The following SRSF6 variants were observed in gnomAD, a reference collection of about 807,000 sequenced individuals.
SRSF6 encodes the protein serine and arginine rich splicing factor 6.
SRSF6 carries 17 observed loss-of-function variants against 42.0 expected under a neutral mutation model. The ratio of observed to expected loss-of-function variants is 0.40; its 90% CI spans 0.28 to 0.61. The LOEUF (loss-of-function observed/expected upper bound fraction) is 0.61. Among genes scored for constraint, SRSF6 ranks in the 20% least tolerant of loss-of-function variants. The pLI is 0.37. For synonymous variants in SRSF6, 204 were observed against 166.7 expected, an observed-to-expected ratio of 1.22 and a Z score of -1.72; for missense variants, 379 against 471.4, an observed-to-expected ratio of 0.80 and a Z score of 1.81.
intron 2 of SRSF6, chr20:43,459,551 ACTCT>A: frequency 1.6e-6 from 2 of 1,289,938 alleles, no homozygotes; most frequent in South Asian, 3.2e-5. Flanking sequence ...AGGAGCAGTC[ACTCT>A]CTAACAGATT....
intron 5 of SRSF6, 37 bp downstream of exon 5, chr20:43,460,635 C>T (rs377298624): frequency 1.6e-5 from 26 of 1,613,404 alleles, no homozygotes; most frequent in African/African-American, 6.7e-5. Flanking sequence ...TGAATATTAC[C>T]GTACTTGTTT....
chr20:43,459,430 T>C (rs1276341818), intron 2 of SRSF6: 33 of 1,275,626 alleles, frequency 2.6e-5, no homozygotes, highest in Non-Finnish European at 3.1e-5. Context: ...TGTAAGTACT[T>C]AGTGTAAAAC....
At position 43,462,848 on chromosome 20, in the gene SRSF6, T is replaced by G. The variant is rs1429146317; in HGVS notation, c.*1785T>G. On this transcript the variant is annotated 3_prime_UTR_variant, in exon 6 of 6. Transcript: ENST00000244020. ...ATTAGATGTTTATAAAGAAATGGGT[T>G]TATTTTTCCAGCATAAACCTCAGAA... The G allele has an allele frequency of 2.0e-5, 3 of 152,658 alleles. No homozygotes were observed. The highest frequency in any genetic ancestry group is 7.2e-5 in the African/African-American group (3 of 41,466). The allele number at this position is 152,658 out of a possible 1,614,324, so 9.5% of individuals were successfully genotyped here.
In SRSF6 at chr20:43,461,915, ATAAT is replaced by A. The variant is rs1329154182; in HGVS notation, c.*855_*858del. ...AATCCACTTTCTGGAAGTTCTCAGCATAATTAGTGTTGAGAGTGGTTCAGTTGTC... is the reference window on the plus strand; with the variant it reads ...AATCCACTTTCTGGAAGTTCTCAGCATAGTGTTGAGAGTGGTTCAGTTGTC... On this transcript the variant is annotated 3_prime_UTR_variant, in exon 6 of 6. Transcript: ENST00000244020. 1 of 152,224 alleles carries A rather than the reference ATAAT, an allele frequency of 6.6e-6. No individual in the cohort carries two copies. Among genetic ancestry groups the A allele is most frequent in the Non-Finnish European group, 1.5e-5 (1 of 68,036 alleles). 9.4% of individuals were successfully genotyped at this position (152,224 alleles called of 1,614,324 possible). A position where few individuals can be genotyped will look rare whatever the true frequency, so the allele number is the denominator to read the frequency against.
At position 43,461,314 on chromosome 20, in the gene SRSF6, A is replaced by G. The variant is rs1470585115; in HGVS notation, c.*251A>G. ...GCTTTTGAGCTAACGTAACTTTTGT[A>G]AAGATTAAGCTCATTTAGTGTTGTT... is the stretch of plus-strand genomic sequence containing the variant. On this transcript the variant is annotated 3_prime_UTR_variant, in exon 6 of 6. Transcript: ENST00000244020. 2 of 224,430 alleles carry G rather than the reference A, an allele frequency of 8.9e-6. No individual in the cohort carries two copies. Among genetic ancestry groups the G allele is most frequent in the East Asian group, 8.1e-5 (1 of 12,386 alleles). The allele number at this position is 224,430 out of a possible 1,614,324, so 13.9% of individuals were successfully genotyped here.
intron 4 of SRSF6, 62 bp downstream of exon 4, chr20:43,460,303 G>C: frequency 6.4e-7 from 1 of 1,558,564 alleles, no homozygotes; most frequent in South Asian, 1.1e-5. Flanking sequence ...GGGAGTAATT[G>C]AGTGATGTCA....
intron 1 of SRSF6, 107 bp from the exon 2 acceptor site, chr20:43,458,254 G>C: frequency 7.1e-7 from 1 of 1,406,038 alleles, no homozygotes; most frequent in Non-Finnish European, 9.3e-7. Flanking sequence ...CTCAAAGATG[G>C]CGACGGCGCG....
chr20:43,458,366 G>A lies in SRSF6; in HGVS notation c.113G>A (p.Gly38Asp). The A allele has an allele frequency of 6.4e-7, 1 of 1,559,390 alleles. No individual in the cohort carries two copies. The highest frequency in any genetic ancestry group is 2.6e-5 in the East Asian group (1 of 38,504). The change falls in exon 2 of 6, where the codon GGC becomes GAC. Residue 38 changes from glycine (G) to aspartate (D), a missense_variant. Transcript: ENST00000244020. ...GGCCCTCGCACCGCCCCTAGGTACG[G>A]CTTCGTGGAGTTCGAGGACTCCCGC... ...LLEVDLKNGYGFVEFEDSRDA... is the reference protein window; with the variant it reads ...LLEVDLKNGYDFVEFEDSRDA...
chr20:43,458,367 C>A lies in SRSF6; in HGVS notation c.114C>A (p.Gly38=). 6.4e-7 allele frequency: 1 copy of A among 1,560,354 alleles called. No homozygotes were observed. Among genetic ancestry groups the A allele is most frequent in the Non-Finnish European group, 8.6e-7 (1 of 1,157,832 alleles). The change falls in exon 2 of 6, where the codon GGC becomes GGA. Residue 38 remains glycine, a synonymous_variant. Transcript: ENST00000244020. ...GCCCTCGCACCGCCCCTAGGTACGG[C>A]TTCGTGGAGTTCGAGGACTCCCGCG... The part of the protein sequence containing the change: ...LLEVDLKNGY[G]FVEFEDSRDA...
chr20:43,459,369 T>TTA, intron 2 of SRSF6: 5 of 1,342,336 alleles, frequency 3.7e-6, no homozygotes, highest in Non-Finnish European at 4.9e-6. Flanking sequence ...TAGGTGACTG[T>TTA]TACCTTGCGT....
chr20:43,460,931 C>G lies in SRSF6; in HGVS notation c.903C>G (p.Ser301=), dbSNP rs1019415530. ...SKSRSRSQSR[S]NSPLPVPPSK... ...CCAGATCAAGGAGCCAGTCCCGTTC[C>G]AATTCGCCGCTACCTGTTCCACCCT... Residue 301 remains serine, a synonymous_variant, in exon 6 of 6, where the codon TCC becomes TCG. Coordinates refer to ENST00000244020, the MANE Select transcript of SRSF6 (RefSeq NM_006275.6). The G allele has an allele frequency of 6.2e-7, 1 of 1,613,998 alleles. No individual in the cohort carries two copies. Among genetic ancestry groups the G allele is most frequent in the African/African-American group, 1.3e-5 (1 of 74,890 alleles).
intron 2 of SRSF6, 92 bp downstream of exon 2, chr20:43,458,601 G>T: frequency 1.5e-6 from 2 of 1,296,720 alleles, no homozygotes; most frequent in Non-Finnish European, 2.0e-6. Context: ...AGGCGCGAGG[G>T]CCGGGGGTCG....
At position 43,460,918 on chromosome 20, in the gene SRSF6, G is replaced by A. The variant is rs2017576096; in HGVS notation, c.890G>A (p.Ser297Asn). Residue 297 changes from serine to asparagine, a missense_variant, in exon 6 of 6, where the codon AGC becomes AAC. Ser to Asn is a conservative substitution (Grantham distance 46). Around this residue, in one of 3 missense-constraint regions of SRSF6, gnomAD observed 219 missense variants for 216.1 expected, o/e 1.01. Transcript: ENST00000244020. ...ATAAAGTCAAAATCCAGATCAAGGA[G>A]CCAGTCCCGTTCCAATTCGCCGCTA... ...GDIKSKSRSR[S>N]QSRSNSPLPV... The A allele has an allele frequency of 3.1e-6, 5 of 1,614,020 alleles. No individual in the cohort carries two copies. The highest frequency in any genetic ancestry group is 4.2e-6 in the Non-Finnish European group (5 of 1,180,026).
rs781652566 is a variant in SRSF6, at chr20:43,460,732, G to A, written c.704G>A (p.Arg235His). 8 of 1,613,874 alleles carry A rather than the reference G, an allele frequency of 5.0e-6. No homozygotes were observed. Among genetic ancestry groups the A allele is most frequent in the African/African-American group, 1.3e-5 (1 of 75,000 alleles). The change falls in exon 6 of 6, where the codon CGT (arginine) becomes CAT (histidine). Residue 235 changes from arginine to histidine, a missense_variant. This residue lies in a region of SRSF6 where 219 missense variants were observed against 216.1 expected (regional missense o/e 1.01). Transcript: ENST00000244020. ...RSRSRSKGRS[R>H]SRSKGRKSRS... ...AGGTCGCGGAGCAAAGGTCGATCAC[G>A]TTCTCGATCAAAAGGCAGGAAATCT...
At position 43,459,873 on chromosome 20, in the gene SRSF6, G is replaced by A. The variant is rs1485652321; in HGVS notation, c.359G>A (p.Arg120Gln). The change falls in exon 3 of 6, where the codon CGG (arginine) becomes CAG (glutamine). Residue 120 changes from arginine to glutamine, a missense_variant. This residue lies in a region of SRSF6 where 43 missense variants were observed against 108.5 expected (regional missense o/e 0.40). Transcript: ENST00000244020. Reference sequence around the variant, plus strand: ...CTTATTGTAGAAAATCTTTCTAGTCGGTGCAGTTGGCAAGATTTAAAGGTA... The same window carrying A: ...CTTATTGTAGAAAATCTTTCTAGTCAGTGCAGTTGGCAAGATTTAAAGGTA... ...YRLIVENLSSRCSWQDLKDFM... is the reference protein window; with the variant it reads ...YRLIVENLSSQCSWQDLKDFM... 2.5e-6 allele frequency: 4 copies of A among 1,608,082 alleles called. No homozygotes were observed. The highest frequency in any genetic ancestry group is 2.2e-5 in the East Asian group (1 of 44,862).
Position 43,461,164 on chromosome 20 carries a change from G to C in SRSF6, c.*101G>C, listed in dbSNP as rs117799664. ...GCCTCTTCTGCAAGAGGAATCTCTT[G>C]AAAACAGGGGCACACAGAAATTTGA... On this transcript the variant is annotated 3_prime_UTR_variant, in exon 6 of 6. Coordinates refer to ENST00000244020, the MANE Select transcript of SRSF6 (RefSeq NM_006275.6). 42,732 of 1,423,900 alleles carry C rather than the reference G, an allele frequency of 0.03. 779 individuals carry two copies. The highest frequency in any genetic ancestry group is 0.035 in the Non-Finnish European group (38,302 of 1,090,628). 88.2% of individuals were successfully genotyped at this position (1,423,900 alleles called of 1,614,324 possible). A position where few individuals can be genotyped will look rare whatever the true frequency, so the allele number is the denominator to read the frequency against.
chr20:43,461,349 T>TG lies in SRSF6; in HGVS notation c.*286_*287insG, dbSNP rs2017593406. 8.3e-6 allele frequency: 1 copy of TG among 120,840 alleles called. No homozygotes were observed. Among genetic ancestry groups the TG allele is most frequent in the Non-Finnish European group, 1.7e-5 (1 of 57,916 alleles). The allele number at this position is 120,840 out of a possible 1,614,324, so 7.5% of individuals were successfully genotyped here. On this transcript the variant is annotated 3_prime_UTR_variant, in exon 6 of 6. Transcript: ENST00000244020. ...CTCATTTAGTGTTGTTTTTTTTTTT[T>TG]TTTTTTTTTTTTTTTTTTTTTTTTT...
At chr20:43,458,243 C>T (rs535684653) in intron 1 of SRSF6, 103 bp downstream of exon 1, 207 of 1,425,660 alleles carry the variant, frequency 1.5e-4, no homozygotes, top group Admixed American at 8.2e-4. Context: ...CGTGGCAGGG[C>T]CTCAAAGATG....
intron 2 of SRSF6, among the ~76,000 whole-genome samples, chr20:43,458,878 TA>T (rs1445410830): frequency 2.0e-5 from 1 of 50,288 alleles, no homozygotes; most frequent in African/African-American, 8.2e-5. Context: ...GGAGGTGGGG[TA>T]GGGGGCGCGG....
Sources: gnomAD v4.1 joint callset for allele counts (sites outside exome capture counted in the v4.1 genomes callset) on GRCh38, gnomAD v4.1.1 for gene constraint, gnomAD v4.1.1 regional missense constraint, MANE v1.5 for transcripts, NCBI Gene and HGNC (gene_info 2026-07-23, HGNC 2026-07-21) for gene names.